The following DOCK7 variants were observed in gnomAD, a reference collection of about 807,000 sequenced individuals.
DOCK7 encodes the protein dedicator of cytokinesis protein 7.
DOCK7 carries 138 observed loss-of-function variants against 271.0 expected under a neutral mutation model. That is an observed-to-expected ratio of 0.51 (90% CI 0.44 to 0.59). The LOEUF is 0.59. Ranked by LOEUF, DOCK7 falls within the 20% of genes least tolerant of loss-of-function variation. The pLI is 0.00. For synonymous variants in DOCK7, 823 were observed against 876.1 expected (o/e 0.94, Z 1.07); for missense variants, 2,066 against 2,592.4 (o/e 0.80, Z 4.41).
At chr1:62,488,505 T>G (rs894305190) in intron 42 of DOCK7, 1 of 176,082 alleles carries the variant, frequency 5.7e-6, no homozygotes, top group African/African-American at 2.4e-5. Context: ...TAAAGTTCAG[T>G]TGCAGTCATT....
intron 11 of DOCK7, 63 bp downstream of exon 11, chr1:62,631,177 T>TC: frequency 6.9e-7 from 1 of 1,458,786 alleles, no homozygotes; most frequent in Non-Finnish European, 9.2e-7. Flanking sequence ...AGAGCGAAAC[T>TC]CCATCTCAAA....
In DOCK7 at chr1:62,455,475, GACATAGTTAGTTAA is replaced by G. The variant is rs767327057; in HGVS notation, c.6381-33_6381-20del. 53 of 1,612,176 alleles carry G rather than the reference GACATAGTTAGTTAA, an allele frequency of 3.3e-5. 1 individual carries two copies. In the South Asian group the frequency reaches 5.3e-4, roughly 16 times the overall value. Reference sequence around the variant, plus strand: ...GGAATCTCTGGGAAAAAAATGAGAGGACATAGTTAGTTAAAGAGAACAATTTTTGCATATACCTT... The same window carrying G: ...GGAATCTCTGGGAAAAAAATGAGAGGAGAGAACAATTTTTGCATATACCTT... On this transcript the variant is annotated intron_variant, in intron 49 of 49. Coordinates refer to ENST00000635253, the MANE Select transcript of DOCK7 (RefSeq NM_001367561.1).
chr1:62,556,056 C>A, intron 20 of DOCK7, 67 bp from the exon 21 acceptor site: 1 of 1,499,354 alleles, frequency 6.7e-7, no homozygotes, highest in South Asian at 1.2e-5. Flanking sequence ...CCACGAAGAT[C>A]AACATTTTGT....
chr1:62,542,741 A>G, intron 24 of DOCK7, 38 bp from the exon 25 acceptor site: 1 of 1,575,566 alleles, frequency 6.3e-7, no homozygotes, highest in Non-Finnish European at 8.7e-7. Context: ...ATCAAAGTCA[A>G]ATCTGCTGAT....
chr1:62,467,064 A>T (rs549372392), intron 48 of DOCK7, among the ~76,000 whole-genome samples: 2 of 152,246 alleles, frequency 1.3e-5, no homozygotes, highest in Non-Finnish European at 2.9e-5. Flanking sequence ...ATTCATAGAA[A>T]GGAGTGTCAG....
chr1:62,531,051 T>G (rs1039829245), intron 29 of DOCK7, among the ~76,000 whole-genome samples: 2 of 152,244 alleles, frequency 1.3e-5, no homozygotes, highest in Admixed American at 1.3e-4. Flanking sequence ...ATCTCAGATC[T>G]CATTCTCCAG....
At chr1:62,506,591 C>T (rs1306317782) in intron 35 of DOCK7, among the ~76,000 whole-genome samples, 1 of 151,904 alleles carries the variant, frequency 6.6e-6, no homozygotes, top group Non-Finnish European at 1.5e-5. Context: ...GTGCCTCAGC[C>T]TCCTGAGTAG....
chr1:62,667,245 T>C (rs916015052), intron 1 of DOCK7, among the ~76,000 whole-genome samples: 1 of 152,152 alleles, frequency 6.6e-6, no homozygotes, highest in Admixed American at 6.5e-5. Context: ...GAAAGTTTAG[T>C]TGAGCTGCTC....
chr1:62,481,018 A>AC (rs1397378102), intron 43 of DOCK7, among the ~76,000 whole-genome samples: 4 of 151,782 alleles, frequency 2.6e-5, no homozygotes, highest in Admixed American at 6.6e-5. Context: ...CAAAAAAAAA[A>AC]AAAAAAAAAA....
At position 62,463,444 on chromosome 1, in the gene DOCK7, A is replaced by G. The variant is rs532395744; in HGVS notation, c.6213-5739T>C. 7.5e-4 allele frequency among the ~76,000 whole-genome samples: 114 copies of G among 152,326 alleles called. 1 individual carries two copies. In the South Asian group the frequency reaches 0.011, roughly 15 times the overall value. ...CTGAGGATGAACCTATGAACCAGCA[A>G]CACTATTCTTAATTTTAAGCCCTAG... On this transcript the variant is annotated intron_variant, in intron 48 of 49. Coordinates refer to ENST00000635253, the MANE Select transcript of DOCK7 (RefSeq NM_001367561.1).
At chr1:62,592,628 G>A (rs1648615008) in intron 14 of DOCK7, among the ~76,000 whole-genome samples, 1 of 151,946 alleles carries the variant, frequency 6.6e-6, no homozygotes, top group African/African-American at 2.4e-5. Context: ...TAAAAAGAGG[G>A]TAACAAGGAG....
chr1:62,514,522 T>C (rs1214914883), intron 31 of DOCK7, among the ~76,000 whole-genome samples: 2 of 152,128 alleles, frequency 1.3e-5, no homozygotes, highest in Admixed American at 6.6e-5. Flanking sequence ...GTACCACTTA[T>C]TGGACATACA....
intron 48 of DOCK7, among the ~76,000 whole-genome samples, chr1:62,462,617 G>A (rs183197799): frequency 6.6e-6 from 1 of 152,122 alleles, no homozygotes; most frequent in Admixed American, 6.5e-5. Flanking sequence ...AAGTGGTAAT[G>A]AGTCAACTGG....
chr1:62,568,488 A>G (rs1646603300), intron 18 of DOCK7, among the ~76,000 whole-genome samples: 1 of 150,232 alleles, frequency 6.7e-6, no homozygotes, highest in Non-Finnish European at 1.5e-5. Context: ...TTTTTTAAGT[A>G]AAGATGAGAT....
chr1:62,642,862 CTCA>C (rs1452780802), intron 7 of DOCK7, among the ~76,000 whole-genome samples: 1 of 152,060 alleles, frequency 6.6e-6, no homozygotes, highest in Non-Finnish European at 1.5e-5. Context: ...AGTTATTTAC[CTCA>C]TCATTTGCAG....
chr1:62,547,147 A>G (rs575740937), intron 22 of DOCK7, among the ~76,000 whole-genome samples: 12 of 152,288 alleles, frequency 7.9e-5, no homozygotes, highest in African/African-American at 2.9e-4. Context: ...TGTGCTATGA[A>G]TTATATTTAT....
In DOCK7 at chr1:62,537,877, C is replaced by T. The variant is rs751944673; in HGVS notation, c.3471+14G>A. 22 of 1,607,176 alleles carry T rather than the reference C, an allele frequency of 1.4e-5. 1 individual carries two copies. The highest frequency in any genetic ancestry group is 2.2e-5 in the East Asian group (1 of 44,748). The stretch of plus-strand genomic sequence containing the variant: ...GTGACTTTAAATATATGTATATTCA[C>T]ACAATTTGCATACCTGAGATGTTGC... On this transcript the variant is annotated intron_variant, in intron 28 of 49. Transcript: ENST00000635253.
At chr1:62,568,898 G>A (rs78160873) in intron 18 of DOCK7, among the ~76,000 whole-genome samples, 3 of 151,380 alleles carry the variant, frequency 2.0e-5, no homozygotes, top group African/African-American at 7.3e-5. Flanking sequence ...AATAAAAAAT[G>A]ATAAAGGGGA....
intron 14 of DOCK7, among the ~76,000 whole-genome samples, chr1:62,600,409 T>C (rs1017080754): frequency 2.0e-5 from 3 of 151,824 alleles, no homozygotes; most frequent in Non-Finnish European, 2.9e-5. Flanking sequence ...CTAGGAAATA[T>C]CATTCATGCC....
Sources: gnomAD v4.1 joint callset for allele counts (sites outside exome capture counted in the v4.1 genomes callset) on GRCh38, gnomAD v4.1.1 for gene constraint, MANE v1.5 for transcripts, NCBI Gene and HGNC (gene_info 2026-07-23, HGNC 2026-07-21) for gene names.